Variants in TRPC5 observed in about 807,000 individuals in gnomAD.
TRPC5 encodes the protein short transient receptor potential channel 5.
In TRPC5, 9 loss-of-function variants were observed where a neutral mutation model predicts 56.5. That is an observed-to-expected ratio of 0.16 (90% CI 0.10 to 0.28). The LOEUF is 0.28. TRPC5 is among the 10% of genes least tolerant of loss of function. The probability of loss-of-function intolerance (pLI) is 1.00; values close to 1 mark genes in which losing one functional copy is unlikely to be tolerated. For missense variants in TRPC5, 469 were observed against 748.9 expected, an observed-to-expected ratio of 0.63 and a Z score of 4.36; for synonymous variants, 282 against 278.5, an observed-to-expected ratio of 1.01 and a Z score of -0.13.
chrX:111,931,587 A>G (rs1926418605), intron 2 of TRPC5, among the ~76,000 whole-genome samples: 1 of 112,431 alleles, frequency 8.9e-6, no homozygotes, highest in African/African-American at 3.2e-5. Context: ...AAGAAGAGAG[A>G]TACTATCTAC....
intron 3 of TRPC5, among the ~76,000 whole-genome samples, chrX:111,877,319 GCT>G (rs2148596798): frequency 8.9e-6 from 1 of 112,017 alleles, no homozygotes; most frequent in East Asian, 2.8e-4. Context: ...GGATATCTCT[GCT>G]ACAAAATGAT....
At chrX:111,897,080 G>C (rs762914501) in intron 3 of TRPC5, among the ~76,000 whole-genome samples, 25 of 111,816 alleles carry the variant, frequency 2.2e-4, no homozygotes, top group Non-Finnish European at 4.0e-4. Flanking sequence ...TTACATTCAG[G>C]CTATGTGTAT....
At chrX:111,782,692 T>C (rs1175842699) in intron 7 of TRPC5, among the ~76,000 whole-genome samples, 4 of 111,101 alleles carry the variant, frequency 3.6e-5, no homozygotes, top group Non-Finnish European at 7.5e-5. Flanking sequence ...GGCTTTTTTA[T>C]TTTAAAAAAT....
intron 1 of TRPC5, among the ~76,000 whole-genome samples, chrX:111,997,851 A>G (rs887249862): frequency 9.0e-6 from 1 of 110,602 alleles, no homozygotes; most frequent in Admixed American, 9.8e-5. Context: ...CAGGTCATTT[A>G]AGGTCTTCTC....
At chrX:111,902,947 C>A (rs192218642) in intron 3 of TRPC5, 139 of 111,894 alleles carry the variant, frequency 1.2e-3, no homozygotes, top group African/African-American at 4.3e-3. Context: ...AAGGGCTAAG[C>A]AAAGCCCTAC....
At chrX:111,818,003 C>T (rs1379915185) in intron 7 of TRPC5, among the ~76,000 whole-genome samples, 2 of 111,513 alleles carry the variant, frequency 1.8e-5, no homozygotes, top group Admixed American at 9.5e-5. Flanking sequence ...CTGATCTTCA[C>T]TCTCCTGCCA....
chrX:112,054,216 A>C (rs1349610340), intron 1 of TRPC5, among the ~76,000 whole-genome samples: 4 of 111,214 alleles, frequency 3.6e-5, no homozygotes, highest in Non-Finnish European at 7.5e-5. Flanking sequence ...TATGGAGAGT[A>C]CCTCTTTGGG....
intron 1 of TRPC5, among the ~76,000 whole-genome samples, chrX:112,031,344 C>T (rs910079887): frequency 4.5e-5 from 5 of 111,622 alleles, no homozygotes; most frequent in Non-Finnish European, 9.4e-5. Flanking sequence ...TAATAGCTTC[C>T]CTGCTCTACT....
At chrX:111,907,128 A>C (rs1021306308) in intron 3 of TRPC5, among the ~76,000 whole-genome samples, 5 of 108,603 alleles carry the variant, frequency 4.6e-5, no homozygotes, top group Non-Finnish European at 7.6e-5. Context: ...AAAAAAAAAA[A>C]GAAAATGTCC....
intron 7 of TRPC5, among the ~76,000 whole-genome samples, chrX:111,794,573 A>T (rs1454369114): frequency 2.7e-5 from 3 of 111,863 alleles, no homozygotes; most frequent in Non-Finnish European, 5.6e-5. Flanking sequence ...AATGAGACTT[A>T]GTTTATTTGG....
At chrX:111,996,693 T>C (rs890311638) in intron 1 of TRPC5, among the ~76,000 whole-genome samples, 11 of 112,156 alleles carry the variant, frequency 9.8e-5, no homozygotes, top group African/African-American at 3.6e-4. Flanking sequence ...ATATTTAGGA[T>C]AGTTAGCTCT....
At chrX:112,055,956 T>C (rs1486583918) in intron 1 of TRPC5, among the ~76,000 whole-genome samples, 1 of 110,711 alleles carries the variant, frequency 9.0e-6, no homozygotes, top group Non-Finnish European at 1.9e-5. Context: ...CAACCACCAA[T>C]TGAGCCTATT....
At chrX:111,854,525 A>G (rs769315450) in intron 3 of TRPC5, among the ~76,000 whole-genome samples, 13 of 110,972 alleles carry the variant, frequency 1.2e-4, no homozygotes, top group Admixed American at 1.9e-4. Flanking sequence ...AGGAGAGAGT[A>G]GAGCCTGGGT....
intron 2 of TRPC5, among the ~76,000 whole-genome samples, chrX:111,916,281 A>G (rs1447994120): frequency 8.9e-6 from 1 of 112,232 alleles, no homozygotes; most frequent in Non-Finnish European, 1.9e-5. Flanking sequence ...AAGAAGGGTT[A>G]GATGATTAGC....
chrX:111,825,555 G>T (rs148680682), intron 7 of TRPC5, among the ~76,000 whole-genome samples: 5,682 of 110,655 alleles, frequency 0.051, 278 homozygotes, highest in African/African-American at 0.16. Context: ...ACTGCACCCG[G>T]CCCACTCTAG....
intron 3 of TRPC5, among the ~76,000 whole-genome samples, chrX:111,888,683 G>T (rs1292662223): frequency 3.0e-5 from 2 of 66,674 alleles, no homozygotes; most frequent in Admixed American, 4.8e-4. Context: ...GACAGAGCGA[G>T]ACTCTATCTC....
intron 7 of TRPC5, among the ~76,000 whole-genome samples, chrX:111,789,006 T>G (rs1354231863): frequency 8.9e-6 from 1 of 111,832 alleles, no homozygotes. Context: ...AATTTATAGA[T>G]TCAATGCCAT....
In TRPC5 at chrX:112,044,145, T is replaced by G. The variant is rs141480924; in HGVS notation, c.-22+37734A>C. ...TTGTCATAGTTTAAAATAAGTATAT[T>G]TAAGTTTAAATTTGTTCATTCAAAT... is the stretch of plus-strand genomic sequence containing the variant. On this transcript the variant is annotated intron_variant, in intron 1 of 10. Coordinates refer to ENST00000262839, the MANE Select transcript of TRPC5 (RefSeq NM_012471.3). Among the ~76,000 whole-genome samples, 48 of 111,870 alleles carry G rather than the reference T, an allele frequency of 4.3e-4. 2 individuals are homozygous for G. In the East Asian group the frequency reaches 0.013, roughly 30 times the overall value.
intron 7 of TRPC5, among the ~76,000 whole-genome samples, chrX:111,789,200 C>T (rs1336003392): frequency 1.8e-5 from 2 of 111,930 alleles, no homozygotes; most frequent in African/African-American, 6.5e-5. Flanking sequence ...CAGCATGGTA[C>T]TGGTACCAAA....
Sources: gnomAD v4.1 joint callset for allele counts (sites outside exome capture counted in the v4.1 genomes callset) on GRCh38, gnomAD v4.1.1 for gene constraint, MANE v1.5 for transcripts, NCBI Gene and HGNC (gene_info 2026-07-23, HGNC 2026-07-21) for gene names.